Variants in ERBB2 observed in about 807,000 individuals in gnomAD.
ERBB2 encodes receptor tyrosine-protein kinase erbB-2.
ERBB2 carries 61 observed loss-of-function variants against 149.0 expected under a neutral mutation model. The ratio of observed to expected loss-of-function variants is 0.41; its 90% CI spans 0.33 to 0.51. The LOEUF is 0.51. ERBB2 is among the 20% of genes least tolerant of loss of function. ERBB2 has a pLI of 0.25. For missense variants in ERBB2, 1,205 were observed against 1,655.1 expected, an observed-to-expected ratio of 0.73 and a Z score of 4.72; for synonymous variants, 633 against 678.8, an observed-to-expected ratio of 0.93 and a Z score of 1.05.
Position 39,727,188 on chromosome 17 carries a change from C to T in ERBB2, c.3160-107C>T, listed in dbSNP as rs569527302. On this transcript the variant is annotated intron_variant, in intron 25 of 26. Transcript: ENST00000269571. The surrounding 1 kb of genome is among the most constrained non-coding windows in gnomAD (Gnocchi z 4.3). Reference sequence around the variant, plus strand: ...TTCTCTCCACGGTGACTGTGTCATACCCCAAAGGTGACCTCTGTTTTTCTC... The same window carrying T: ...TTCTCTCCACGGTGACTGTGTCATATCCCAAAGGTGACCTCTGTTTTTCTC... The T allele has an allele frequency of 5.6e-6, 8 of 1,419,744 alleles. No individual in the cohort carries two copies. In the Admixed American group the frequency reaches 1.2e-4, roughly 22 times the overall value. 87.9% of individuals were successfully genotyped at this position (1,419,744 alleles called of 1,614,324 possible).
In ERBB2 at chr17:39,709,375, C is replaced by T. The variant is rs1227559137; in HGVS notation, c.497C>T (p.Thr166Met). The change falls in exon 4 of 27, where the codon ACG (threonine) becomes ATG (methionine). Residue 166 changes from threonine (T) to methionine (M), a missense_variant. Around this residue, in one of 6 missense-constraint regions of ERBB2, gnomAD observed 569 missense variants for 803.5 expected, o/e 0.71. Coordinates refer to ENST00000269571, the MANE Select transcript of ERBB2 (RefSeq NM_004448.4). ...AACCCCCAGCTCTGCTACCAGGACA[C>T]GATTTTGTGGAAGGACATCTTCCAC... is the stretch of plus-strand genomic sequence containing the variant. ...QRNPQLCYQDTILWKDIFHKN... is the reference protein window; with the variant it reads ...QRNPQLCYQDMILWKDIFHKN... 6 of 1,614,068 alleles carry T rather than the reference C, an allele frequency of 3.7e-6. No individual in the cohort carries two copies. The highest frequency in any genetic ancestry group is 2.7e-5 in the African/African-American group (2 of 75,004).
rs2145820418 is a variant in ERBB2 at position 39,723,745 on chromosome 17, G to A, written c.2208+85G>A. On this transcript the variant is annotated intron_variant, in intron 18 of 26. Coordinates refer to ENST00000269571, the MANE Select transcript of ERBB2 (RefSeq NM_004448.4). This position sits in a 1 kb window ranked among gnomAD's most constrained non-coding sequence, Gnocchi z 6.2. ...GTGGTCGGCAGTTCTGATGGGAGGG[G>A]CAAGAGCTGGAGGCAGTGTTTGGGG... The A allele has an allele frequency of 1.9e-6, 3 of 1,542,838 alleles. No individual in the cohort carries two copies. The highest frequency in any genetic ancestry group is 2.4e-5 in the South Asian group (2 of 84,534).
Position 39,726,054 on chromosome 17 carries a change from C to A in ERBB2, c.2872+201C>A. ...AGGAACACTCTTGTACAAAATTAAG[C>A]TGGGCACAGTGGCTCATGCCTGTAA... On this transcript the variant is annotated intron_variant, in intron 23 of 26. Coordinates refer to ENST00000269571, the MANE Select transcript of ERBB2 (RefSeq NM_004448.4). This position sits in a 1 kb window ranked among gnomAD's most constrained non-coding sequence, Gnocchi z 5.1. 1 of 573,840 alleles carries A rather than the reference C, an allele frequency of 1.7e-6. No homozygotes were observed. Among genetic ancestry groups the A allele is most frequent in the South Asian group, 2.3e-5 (1 of 43,160 alleles). The allele number at this position is 573,840 out of a possible 1,614,324, so 35.5% of individuals were successfully genotyped here. A position where few individuals can be genotyped will look rare whatever the true frequency, so the allele number is the denominator to read the frequency against.
At chr17:39,722,917 G>T (rs902795338) in intron 16 of ERBB2, among the ~76,000 whole-genome samples, 2 of 152,172 alleles carry the variant, frequency 1.3e-5, no homozygotes, top group Non-Finnish European at 2.9e-5. Flanking sequence ...AGAGACGGGG[G>T]TTTCACTATG....
rs1243669669 is a variant in ERBB2, at chr17:39,708,484, CAG to C, written c.390_391del (p.Ala132LeufsTer68). 1.9e-6 allele frequency: 3 copies of C among 1,614,050 alleles called. No individual in the cohort carries two copies. The highest frequency in any genetic ancestry group is 2.5e-6 in the Non-Finnish European group (3 of 1,180,024). On this transcript the variant is annotated frameshift_variant, in exon 3 of 27. Transcript: ENST00000269571. LOFTEE classifies it high-confidence loss of function. ...CCGCTGAACAATACCACCCCTGTCA[CAG>C]GGGCCTCCCCAGGAGGCCTGCGGGA...
rs1166257616 is a variant in ERBB2, at chr17:39,726,411, G to A, written c.2873-151G>A. ...AGAGATGCCAAAGGTTCTGGCTGAA[G>A]ACCCCAGAGTCTGGTGCTACTTCTC... On this transcript the variant is annotated intron_variant, in intron 23 of 26. Coordinates refer to ENST00000269571, the MANE Select transcript of ERBB2 (RefSeq NM_004448.4). This position sits in a 1 kb window ranked among gnomAD's most constrained non-coding sequence, Gnocchi z 5.1. The A allele has an allele frequency of 1.6e-6, 1 of 636,480 alleles. No homozygotes were observed. The highest frequency in any genetic ancestry group is 1.8e-5 in the African/African-American group (1 of 54,690). 39.4% of individuals were successfully genotyped at this position (636,480 alleles called of 1,614,324 possible).
At chr17:39,697,360 T>G (rs547024912), upstream of ERBB2, among the ~76,000 whole-genome samples, 3 of 150,260 alleles carry the variant, frequency 2.0e-5, no homozygotes, top group Non-Finnish European at 4.4e-5. Context: ...TTTTGTTTTT[T>G]TTTTTTTTTT....
Position 39,725,692 on chromosome 17 carries a change from C to T in ERBB2, c.2726-15C>T. On this transcript the variant is annotated splice_polypyrimidine_tract_variant and intron_variant, in intron 22 of 26. Transcript: ENST00000269571. This position sits in a 1 kb window ranked among gnomAD's most constrained non-coding sequence, Gnocchi z 4.6. ...CCCTCTGGCCCTCCCACTCCTGACC[C>T]TGTCTCTGCCTTAGGTGTGACTGTG... 6.2e-7 allele frequency: 1 copy of T among 1,602,282 alleles called. No homozygotes were observed. Among genetic ancestry groups the T allele is most frequent in the Non-Finnish European group, 8.5e-7 (1 of 1,173,688 alleles).
rs896456571 is a variant in ERBB2 at position 39,727,025 on chromosome 17, G to C, written c.3159+22G>C. ...CAGGGTCAGTGCCCTCGGTCACACT[G>C]TGTGGCTGTCTGCTTACCTCCCCCA... On this transcript the variant is annotated intron_variant, in intron 25 of 26. Coordinates refer to ENST00000269571, the MANE Select transcript of ERBB2 (RefSeq NM_004448.4). The surrounding 1 kb of genome is among the most constrained non-coding windows in gnomAD (Gnocchi z 4.3). 1 of 1,555,942 alleles carries C rather than the reference G, an allele frequency of 6.4e-7. No homozygotes were observed. The highest frequency in any genetic ancestry group is 8.7e-7 in the Non-Finnish European group (1 of 1,153,782).
chr17:39,728,403 T>A lies in ERBB2; in HGVS notation c.*359T>A. 1 of 279,468 alleles carries A rather than the reference T, an allele frequency of 3.6e-6. No individual in the cohort carries two copies. 17.3% of individuals were successfully genotyped at this position (279,468 alleles called of 1,614,324 possible). On this transcript the variant is annotated 3_prime_UTR_variant, in exon 27 of 27. Coordinates refer to ENST00000269571, the MANE Select transcript of ERBB2 (RefSeq NM_004448.4). ...GAGGGGAAGCGGCCCTAAGGGAGTG[T>A]CTAAGAACAAAAGCGACCCATTCAG...
chr17:39,693,028 C>T (rs1421593577), upstream of ERBB2, among the ~76,000 whole-genome samples: 1 of 152,136 alleles, frequency 6.6e-6, no homozygotes, highest in Non-Finnish European at 1.5e-5. Context: ...TACCACTGCA[C>T]TCCAGCCTGG....
At chr17:39,698,140 C>A (rs779206759), upstream of ERBB2, among the ~76,000 whole-genome samples, 5 of 152,158 alleles carry the variant, frequency 3.3e-5, no homozygotes, top group Non-Finnish European at 5.9e-5. Flanking sequence ...GCTTCCAGAG[C>A]ATTATCTCCT....
rs895588292 is a variant in ERBB2 at position 39,725,947 on chromosome 17, G to A, written c.2872+94G>A. 6 of 1,343,658 alleles carry A rather than the reference G, an allele frequency of 4.5e-6. No homozygotes were observed. The South Asian group carries it at 7.5e-5, about 17-fold the overall frequency. The allele number at this position is 1,343,658 out of a possible 1,614,324, so 83.2% of individuals were successfully genotyped here. A position where few individuals can be genotyped will look rare whatever the true frequency, so the allele number is the denominator to read the frequency against. Reference sequence around the variant, plus strand: ...GGCATGAAAGGGGACCAGGATGTATGTAGACCCAGGAGCCCTAGTATGTTA... The same window carrying A: ...GGCATGAAAGGGGACCAGGATGTATATAGACCCAGGAGCCCTAGTATGTTA... On this transcript the variant is annotated intron_variant, in intron 23 of 26. Coordinates refer to ENST00000269571, the MANE Select transcript of ERBB2 (RefSeq NM_004448.4). This position sits in a 1 kb window ranked among gnomAD's most constrained non-coding sequence, Gnocchi z 4.6.
chr17:39,698,730 G>C (rs555606883), upstream of ERBB2, among the ~76,000 whole-genome samples: 11 of 152,106 alleles, frequency 7.2e-5, no homozygotes, highest in East Asian at 3.8e-4. Flanking sequence ...TGGGAGATGG[G>C]GGGGAGGGAA....
At chr17:39,700,029 AG>A, upstream of ERBB2, 1 of 1,267,840 alleles carries the variant, frequency 7.9e-7, no homozygotes, top group South Asian at 3.1e-5. Flanking sequence ...GGGCTGCTTG[AG>A]GAAGTATAAG....
chr17:39,697,606 T>G (rs1257672561), upstream of ERBB2, among the ~76,000 whole-genome samples: 1 of 152,140 alleles, frequency 6.6e-6, no homozygotes, highest in African/African-American at 2.4e-5. Flanking sequence ...TCCACCTGCC[T>G]TGGCCTCCCA....
In ERBB2 at chr17:39,719,122, G is replaced by A. The variant is rs190227388; in HGVS notation, c.1899-665G>A. Among the ~76,000 whole-genome samples, 361 of 152,172 alleles carry A rather than the reference G, an allele frequency of 2.4e-3. 3 individuals carry two copies. Among genetic ancestry groups the A allele is most frequent in the Non-Finnish European group, 2.1e-3 (146 of 68,002 alleles). ...CTAAAAATACAAAAATTAGCCAGGC[G>A]TGGTGGTGGGCGCCTGTAATCCCAG... On this transcript the variant is annotated intron_variant, in intron 15 of 26. Transcript: ENST00000269571.
upstream of ERBB2, among the ~76,000 whole-genome samples, chr17:39,697,135 C>T (rs1024957315): frequency 6.6e-6 from 1 of 152,036 alleles, no homozygotes; most frequent in Non-Finnish European, 1.5e-5. Context: ...ACCTCAGTTC[C>T]CCTGATCCTC....
intron 7 of ERBB2, among the ~76,000 whole-genome samples, 172 bp from the exon 8 acceptor site, chr17:39,711,755 GT>G (rs1364770168): frequency 7.9e-5 from 12 of 152,344 alleles, no homozygotes; most frequent in Admixed American, 7.8e-4. Context: ...GAATCTCACA[GT>G]GCTGATCCCG....
Sources: allele counts gnomAD v4.1 joint callset (sites outside exome capture counted in the v4.1 genomes callset), GRCh38; gene constraint gnomAD v4.1.1; regional missense constraint gnomAD v4.1.1; non-coding constraint Gnocchi (gnomAD v3.1); transcripts MANE v1.5; gene names NCBI Gene and HGNC (gene_info 2026-07-23, HGNC 2026-07-21).